ANKRD30B: variants seen among roughly 807,000 people sequenced by gnomAD.
ANKRD30B encodes the protein ankyrin repeat domain 30B, also known as ankyrin repeat domain-containing protein 30B.
ANKRD30B carries 144 observed loss-of-function variants against 202.2 expected under a neutral mutation model. The observed-to-expected ratio is 0.71, with a 90% CI of 0.62 to 0.82. The LOEUF (loss-of-function observed/expected upper bound fraction) is 0.82, where lower values mean the gene tolerates loss of function less well. Ranked by LOEUF, ANKRD30B falls within the 40% of genes least tolerant of loss-of-function variation. The pLI is 0.00. For missense variants in ANKRD30B, 1,487 were observed against 1,669.1 expected, an observed-to-expected ratio of 0.89 and a Z score of 1.90; for synonymous variants, 508 against 561.3, an observed-to-expected ratio of 0.91 and a Z score of 1.34.
chr18:14,810,045 T>A (rs1486284887), intron 27 of ANKRD30B, 31 bp downstream of exon 27: 1 of 1,456,262 alleles, frequency 6.9e-7, no homozygotes, highest in Admixed American at 1.7e-5. Flanking sequence ...ATCTTGAATA[T>A]TACCTACATA....
At chr18:14,909,138 G>A in the ANKRD30B span, among the ~76,000 whole-genome samples, 1 of 152,196 alleles carries the variant, frequency 6.6e-6, no homozygotes, top group Admixed American at 6.5e-5. Flanking sequence ...AGGCAGTGGA[G>A]GGGTTTTGTC....
At chr18:14,934,949 C>CA in the ANKRD30B span, among the ~76,000 whole-genome samples, 18 of 143,086 alleles carry the variant, frequency 1.3e-4, no homozygotes, top group East Asian at 3.9e-4. Flanking sequence ...CACACACACA[C>CA]CCCATCGTGT....
At chr18:14,784,715 AT>A (rs1211941628) in intron 14 of ANKRD30B, among the ~76,000 whole-genome samples, 180 bp downstream of exon 14, 2 of 150,338 alleles carry the variant, frequency 1.3e-5, no homozygotes, top group African/African-American at 4.9e-5. Context: ...TTTTCAATAT[AT>A]TTTTTTTAAA....
rs774918109 is a variant in ANKRD30B at position 14,851,702 on chromosome 18, A to C, written c.3758A>C (p.Gln1253Pro). Reference protein sequence around the residue: ...AELQMTLKLKQKTVTKRASQY... With the variant: ...AELQMTLKLKPKTVTKRASQY... ...CTTCAAATGACCCTAAAACTGAAACAGAAAACAGTAACAAAAAGGGCATCT... is the reference window on the plus strand; with the variant it reads ...CTTCAAATGACCCTAAAACTGAAACCGAAAACAGTAACAAAAAGGGCATCT... Residue 1253 changes from glutamine to proline, a missense_variant, in exon 42 of 44, where the codon CAG (glutamine) becomes CCG (proline). Gln to Pro is a moderately conservative substitution (Grantham distance 76). Coordinates refer to ENST00000690538, the MANE Select transcript of ANKRD30B (RefSeq NM_001367607.2). 3.7e-6 allele frequency: 6 copies of C among 1,610,850 alleles called. No individual in the cohort carries two copies. The Admixed American group carries it at 1.0e-4, about 27-fold the overall frequency.
intron 15 of ANKRD30B, among the ~76,000 whole-genome samples, chr18:14,789,964 C>T (rs1483216926): frequency 6.6e-6 from 1 of 152,170 alleles, no homozygotes; most frequent in Non-Finnish European, 1.5e-5. Context: ...GGCACTGAAT[C>T]TATAAATTAC....
chr18:14,915,469 A>G, the ANKRD30B span: 1 of 152,194 alleles, frequency 6.6e-6, no homozygotes, highest in Non-Finnish European at 1.5e-5. Flanking sequence ...GGGTTATCTT[A>G]TCTTTTAACA....
At chr18:14,831,829 T>C (rs1311575192) in intron 34 of ANKRD30B, among the ~76,000 whole-genome samples, 2 of 152,210 alleles carry the variant, frequency 1.3e-5, no homozygotes, top group African/African-American at 4.8e-5. Context: ...ACTGTGACTT[T>C]TAAAATTATT....
Position 14,748,315 on chromosome 18 carries a change from G to T in ANKRD30B, c.-105G>T. 1.0e-6 allele frequency: 1 copy of T among 952,412 alleles called. No homozygotes were observed. Among genetic ancestry groups the T allele is most frequent in the East Asian group, 2.8e-5 (1 of 35,128 alleles). The allele number at this position is 952,412 out of a possible 1,614,324, so 59.0% of individuals were successfully genotyped here. A position where few individuals can be genotyped will look rare whatever the true frequency, so the allele number is the denominator to read the frequency against. ...AACTGAAGACGGGCGAGTGCGAGCC[G>T]GGGGCGGGTGCTGGGGAAGGGTAAG... On this transcript the variant is annotated 5_prime_UTR_variant, in exon 1 of 44. Coordinates refer to ENST00000690538, the MANE Select transcript of ANKRD30B (RefSeq NM_001367607.2).
At chr18:14,769,926 A>T (rs762920203) in intron 8 of ANKRD30B, among the ~76,000 whole-genome samples, 5 of 152,214 alleles carry the variant, frequency 3.3e-5, no homozygotes, top group Non-Finnish European at 7.3e-5. Flanking sequence ...CTTTTGTTTC[A>T]TAAGAAGACC....
At chr18:14,824,462 T>C (rs906965638) in intron 32 of ANKRD30B, among the ~76,000 whole-genome samples, 14 of 152,306 alleles carry the variant, frequency 9.2e-5, no homozygotes, top group African/African-American at 3.4e-4. Flanking sequence ...CAAGTGATTC[T>C]CCTCCATCAG....
chr18:14,777,435 T>G, intron 9 of ANKRD30B, among the ~76,000 whole-genome samples: 1 of 151,682 alleles, frequency 6.6e-6, no homozygotes, highest in African/African-American at 2.4e-5. Flanking sequence ...GTAGCTGGGA[T>G]TACAGGCACC....
At chr18:14,851,326 T>C (rs1489153828) in intron 41 of ANKRD30B, among the ~76,000 whole-genome samples, 183 bp from the exon 42 acceptor site, 1 of 151,708 alleles carries the variant, frequency 6.6e-6, no homozygotes, top group Non-Finnish European at 1.5e-5. Flanking sequence ...CAAATAAATG[T>C]TTGAACTTTG....
chr18:14,940,090 G>T, the ANKRD30B span, among the ~76,000 whole-genome samples: 1 of 152,206 alleles, frequency 6.6e-6, no homozygotes, highest in African/African-American at 2.4e-5. Context: ...ATCACCGATG[G>T]ATTTTATTTT....
At chr18:14,874,223 G>A in the ANKRD30B span, among the ~76,000 whole-genome samples, 4 of 151,990 alleles carry the variant, frequency 2.6e-5, no homozygotes, top group South Asian at 6.2e-4. Flanking sequence ...TAAGACTTTC[G>A]AAGACCCTGA....
the ANKRD30B span, chr18:14,884,188 C>G: frequency 7.4e-6 from 1 of 135,878 alleles, no homozygotes; most frequent in South Asian, 2.7e-4. Context: ...ATCTCACACT[C>G]TGATTTCTTG....
the ANKRD30B span, among the ~76,000 whole-genome samples, chr18:14,892,635 G>A: frequency 6.6e-6 from 1 of 151,422 alleles, no homozygotes; most frequent in Non-Finnish European, 1.5e-5. Context: ...AGATACTCAG[G>A]AGGCTGAGGC....
At chr18:14,832,745 T>C (rs2143104490) in intron 34 of ANKRD30B, among the ~76,000 whole-genome samples, 1 of 152,338 alleles carries the variant, frequency 6.6e-6, no homozygotes, top group African/African-American at 2.4e-5. Context: ...AAATTTATAT[T>C]TTCTTTTAAT....
In ANKRD30B at chr18:14,752,707, G is replaced by A. The variant is rs776785994; in HGVS notation, c.336+27G>A. 2.4e-5 allele frequency: 37 copies of A among 1,573,824 alleles called. No individual in the cohort carries two copies. In the East Asian group the frequency reaches 7.8e-4, roughly 33 times the overall value. On this transcript the variant is annotated intron_variant, in intron 2 of 43. Coordinates refer to ENST00000690538, the MANE Select transcript of ANKRD30B (RefSeq NM_001367607.2). ...TAAATAGTAGCCAGTTTTTTCAGCG[G>A]GAGATGGATTTGGTTTAAATACATA...
chr18:14,772,295 A>T, intron 9 of ANKRD30B, 67 bp downstream of exon 9: 1 of 995,696 alleles, frequency 1.0e-6, no homozygotes. Flanking sequence ...ATTTCTTAGC[A>T]GTGGTGTATG....
Sources: allele counts gnomAD v4.1 joint callset (sites outside exome capture counted in the v4.1 genomes callset), GRCh38; gene constraint gnomAD v4.1.1; transcripts MANE v1.5; gene names NCBI Gene and HGNC (gene_info 2026-07-23, HGNC 2026-07-21).